The following KCNN2 variants were observed in gnomAD, a reference collection of about 807,000 sequenced individuals.
KCNN2 encodes the protein small conductance calcium-activated potassium channel protein 2.
A neutral mutation model predicts 55.5 loss-of-function variants in KCNN2; 24 were observed. That is an observed-to-expected ratio of 0.43 (90% CI 0.31 to 0.61). The LOEUF is 0.61. Ranked by LOEUF, KCNN2 falls within the 20% of genes least tolerant of loss-of-function variation. KCNN2 has a pLI of 0.08. For synonymous variants in KCNN2, 431 were observed against 336.1 expected (o/e 1.28, Z -3.09); for missense variants, 754 against 853.6 (o/e 0.88, Z 1.45).
At chr5:114,291,703 C>G (rs184127125) in intron 2 of KCNN2, among the ~76,000 whole-genome samples, 1 of 152,158 alleles carries the variant, frequency 6.6e-6, no homozygotes, top group Non-Finnish European at 1.5e-5. Flanking sequence ...TGGGTATATA[C>G]CCAGTAATGG....
At chr5:114,406,307 C>G (rs1036095972) in intron 3 of KCNN2, among the ~76,000 whole-genome samples, 1 of 141,132 alleles carries the variant, frequency 7.1e-6, no homozygotes, top group Admixed American at 6.8e-5. Flanking sequence ...TTGGAGCTAT[C>G]TATTAACTTT....
intron 3 of KCNN2, among the ~76,000 whole-genome samples, chr5:114,451,758 A>T (rs375180434): frequency 3.3e-5 from 5 of 151,360 alleles, no homozygotes; most frequent in Non-Finnish European, 5.9e-5. Context: ...TTAGCCAGGC[A>T]TGGTAGCGGG....
intron 3 of KCNN2, among the ~76,000 whole-genome samples, chr5:114,433,340 A>G (rs1273591930): frequency 6.6e-6 from 1 of 152,002 alleles, no homozygotes; most frequent in African/African-American, 2.4e-5. Context: ...TTGTGTGGAC[A>G]CTCTGTATCT....
At chr5:114,066,971 A>G (rs1295160976) in intron 1 of KCNN2, among the ~76,000 whole-genome samples, 1 of 152,236 alleles carries the variant, frequency 6.6e-6, no homozygotes, top group Non-Finnish European at 1.5e-5. Context: ...GGAGACTGAT[A>G]TATAAACTGA....
intron 1 of KCNN2, among the ~76,000 whole-genome samples, chr5:114,097,515 A>G (rs985349028): frequency 6.6e-6 from 1 of 152,128 alleles, no homozygotes; most frequent in African/African-American, 2.4e-5. Context: ...GGTTTCATTC[A>G]CTATAGCTTG....
At chr5:114,400,045 T>A (rs1173522137) in intron 2 of KCNN2, among the ~76,000 whole-genome samples, 4 of 151,924 alleles carry the variant, frequency 2.6e-5, no homozygotes, top group African/African-American at 9.7e-5. Flanking sequence ...GGTCTATCTA[T>A]TTATTCTTGC....
chr5:114,273,872 T>G (rs1432868549), intron 2 of KCNN2, among the ~76,000 whole-genome samples: 2 of 152,248 alleles, frequency 1.3e-5, no homozygotes, highest in Non-Finnish European at 2.9e-5. Flanking sequence ...ATTTGTCAAT[T>G]TTGGCTTTTG....
chr5:114,183,551 T>C (rs1424473321), intron 1 of KCNN2, among the ~76,000 whole-genome samples: 3 of 152,110 alleles, frequency 2.0e-5, no homozygotes, highest in Non-Finnish European at 4.4e-5. Flanking sequence ...ATTCTCTGCT[T>C]CATCTTTTGT....
At chr5:114,153,961 T>TG (rs1752577482) in intron 1 of KCNN2, among the ~76,000 whole-genome samples, 1 of 152,168 alleles carries the variant, frequency 6.6e-6, no homozygotes, top group African/African-American at 2.4e-5. Context: ...TCTCCTAAGT[T>TG]GCAGGCATTA....
Position 114,088,100 on chromosome 5 carries a change from G to A in KCNN2, c.-271+31600G>A, listed in dbSNP as rs1212854313. ...TCAGCTTTTATTTTTTTCAGGAAAA[G>A]AATCATATTTCACCTTCATTTTTGA... On this transcript the variant is annotated intron_variant, in intron 1 of 10. Coordinates refer to the KCNN2 transcript ENST00000512097. 7.2e-5 allele frequency among the ~76,000 whole-genome samples: 11 copies of A among 151,916 alleles called. No individual in the cohort carries two copies. In the East Asian group the frequency reaches 2.1e-3, roughly 29 times the overall value.
chr5:114,261,849 G>T (rs941564830), intron 2 of KCNN2, among the ~76,000 whole-genome samples: 25 of 152,178 alleles, frequency 1.6e-4, no homozygotes, highest in African/African-American at 5.8e-4. Flanking sequence ...CCACTGGGCA[G>T]GGCAGTTACC....
At chr5:114,452,655 C>T (rs966545787) in intron 3 of KCNN2, among the ~76,000 whole-genome samples, 3 of 152,132 alleles carry the variant, frequency 2.0e-5, no homozygotes, top group South Asian at 4.2e-4. Context: ...ATGGCTTCAC[C>T]CCCGGAGACC....
chr5:114,297,765 AAT>A (rs1756059529), intron 2 of KCNN2, among the ~76,000 whole-genome samples: 2 of 152,236 alleles, frequency 1.3e-5, no homozygotes, highest in South Asian at 4.1e-4. Flanking sequence ...ACATTAAAAT[AAT>A]ATGTTATCAG....
chr5:114,138,390 T>G (rs1404745497), intron 1 of KCNN2, among the ~76,000 whole-genome samples: 1 of 152,114 alleles, frequency 6.6e-6, no homozygotes, highest in Admixed American at 6.6e-5. Flanking sequence ...CCTAGAGGGG[T>G]TTAATATTTT....
rs943554928 is a variant in KCNN2, at chr5:114,404,379, C to G, written c.1219-59C>G. ...CTGTTGTGTGTTTTTAAAATCTGCA[C>G]TAACACTTGTGGACCATTCATGCCA... On this transcript the variant is annotated intron_variant, in intron 2 of 7. Transcript: ENST00000673685. 36 of 1,396,304 alleles carry G rather than the reference C, an allele frequency of 2.6e-5. No homozygotes were observed. The East Asian group carries it at 5.7e-4, about 22-fold the overall frequency. 86.5% of individuals were successfully genotyped at this position (1,396,304 alleles called of 1,614,324 possible).
chr5:114,124,100 A>G (rs2112601241), intron 1 of KCNN2, among the ~76,000 whole-genome samples: 1 of 152,290 alleles, frequency 6.6e-6, no homozygotes, highest in East Asian at 1.9e-4. Flanking sequence ...TTTTCATTGA[A>G]TTCTTCCATT....
chr5:114,437,628 A>G (rs1375501481), intron 3 of KCNN2, among the ~76,000 whole-genome samples: 2 of 152,214 alleles, frequency 1.3e-5, no homozygotes, highest in African/African-American at 2.4e-5. Flanking sequence ...AAAGTGTTAC[A>G]TAGTTCAAAT....
intron 1 of KCNN2, among the ~76,000 whole-genome samples, chr5:114,116,106 G>T (rs1009810895): frequency 2.6e-5 from 4 of 152,106 alleles, no homozygotes; most frequent in African/African-American, 9.7e-5. Flanking sequence ...CTGGGTTCTT[G>T]TTCCTTCCAG....
intron 1 of KCNN2, among the ~76,000 whole-genome samples, chr5:114,125,886 ATT>A (rs1751920941): frequency 6.6e-6 from 1 of 152,058 alleles, no homozygotes; most frequent in African/African-American, 2.4e-5. Flanking sequence ...TTTTAACTTA[ATT>A]ACCTCTTAAA....
Sources: allele counts gnomAD v4.1 joint callset (sites outside exome capture counted in the v4.1 genomes callset), GRCh38; gene constraint gnomAD v4.1.1; transcripts MANE v1.5; gene names NCBI Gene and HGNC (gene_info 2026-07-23, HGNC 2026-07-21).